INTS9: variants seen among roughly 807,000 people sequenced by gnomAD.
INTS9 encodes the protein integrator complex subunit 9, also known as protein related to CPSF subunits of 74 kDa.
INTS9 carries 55 observed loss-of-function variants against 79.7 expected under a neutral mutation model. That is an observed-to-expected ratio of 0.69 (90% CI 0.56 to 0.86). The LOEUF is 0.86. Among genes scored for constraint, INTS9 ranks in the 40% least tolerant of loss-of-function variants. The probability of loss-of-function intolerance (pLI) is 0.00; values close to 1 mark genes in which losing one functional copy is unlikely to be tolerated. For synonymous variants in INTS9, 319 were observed against 325.2 expected (o/e 0.98, Z 0.20); for missense variants, 721 against 831.5 (o/e 0.87, Z 1.64).
chr8:28,812,534 AAAC>A (rs1290887916), intron 7 of INTS9, 73 bp from the exon 8 acceptor site: 60 of 1,498,506 alleles, frequency 4.0e-5, no homozygotes, highest in Non-Finnish European at 5.1e-5. Context: ...CTGCAGGGAA[AAAC>A]AACAGAAATA....
intron 1 of INTS9, among the ~76,000 whole-genome samples, chr8:28,864,625 A>G (rs1197506383): frequency 2.0e-5 from 3 of 152,214 alleles, no homozygotes; most frequent in Non-Finnish European, 4.4e-5. Context: ...AGTGCATTAT[A>G]TTATTATACT....
intron 1 of INTS9, among the ~76,000 whole-genome samples, chr8:28,878,854 C>A (rs189174757): frequency 6.6e-6 from 1 of 151,878 alleles, no homozygotes; most frequent in Non-Finnish European, 1.5e-5. Flanking sequence ...GTGGCAGGTA[C>A]CTGTAGTACC....
In INTS9 at chr8:28,775,846, G is replaced by C. The variant is rs746047822; in HGVS notation, c.1476C>G (p.Cys492Trp). The C allele has an allele frequency of 6.2e-7, 1 of 1,613,508 alleles. No homozygotes were observed. The highest frequency in any genetic ancestry group is 1.1e-5 in the South Asian group (1 of 91,014). ...GCCGATAGGACATGGCGGGGGGCTG[G>C]CAGTCGATCATGAGGTCCATCCTGT... ...QSHRMDLMID[C>W]QPPAMSYRRA... The change falls in exon 14 of 17, where the codon TGC becomes TGG. Residue 492 changes from cysteine (C) to tryptophan (W), a missense_variant. By Grantham distance (215) the Cys-to-Trp change is radical. Transcript: ENST00000521022.
Position 28,768,030 on chromosome 8 carries a change from G to T in INTS9, c.*116C>A. The T allele has an allele frequency of 2.1e-6, 2 of 937,030 alleles. No individual in the cohort carries two copies. The highest frequency in any genetic ancestry group is 1.7e-6 in the Non-Finnish European group (1 of 591,196). 58.0% of individuals were successfully genotyped at this position (937,030 alleles called of 1,614,324 possible). ...CAAGAGCCACCTCTTCACTCCTTAA[G>T]CCAGAGGACACCACAAAGACACAGT... is the stretch of plus-strand genomic sequence containing the variant. On this transcript the variant is annotated 3_prime_UTR_variant, in exon 17 of 17. Coordinates refer to ENST00000521022, the MANE Select transcript of INTS9 (RefSeq NM_018250.4).
At chr8:28,837,872 T>C (rs1361008517) in intron 4 of INTS9, 96 bp from the exon 5 acceptor site, 14 of 1,215,662 alleles carry the variant, frequency 1.2e-5, no homozygotes, top group Non-Finnish European at 1.6e-5. Context: ...GAGAAGTAGT[T>C]TTTGTATTGC....
intron 8 of INTS9, among the ~76,000 whole-genome samples, chr8:28,798,988 C>G (rs1196361686): frequency 6.6e-6 from 1 of 152,168 alleles, no homozygotes; most frequent in Admixed American, 6.5e-5. Context: ...AAAAGACCTA[C>G]TGATCCAGAT....
chr8:28,855,642 A>T (rs1215358057), intron 2 of INTS9, among the ~76,000 whole-genome samples: 1 of 152,212 alleles, frequency 6.6e-6, no homozygotes, highest in Non-Finnish European at 1.5e-5. Flanking sequence ...AGCTAAATGC[A>T]ATGTGGATGG....
chr8:28,818,858 A>G (rs1805659022), intron 6 of INTS9, among the ~76,000 whole-genome samples: 1 of 151,406 alleles, frequency 6.6e-6, no homozygotes, highest in Non-Finnish European at 1.5e-5. Flanking sequence ...CAGAGATTCA[A>G]CTTCTTCCTG....
intron 1 of INTS9, among the ~76,000 whole-genome samples, chr8:28,874,684 G>A (rs923323908): frequency 6.6e-6 from 1 of 152,050 alleles, no homozygotes; most frequent in South Asian, 2.1e-4. Flanking sequence ...ACTAAGTCTT[G>A]TAGTAAAACC....
intron 6 of INTS9, among the ~76,000 whole-genome samples, chr8:28,826,045 A>G (rs35391726): frequency 0.2 from 30,151 of 152,134 alleles, 3,297 homozygotes; most frequent in East Asian, 0.46. Flanking sequence ...TAGCTGACAG[A>G]AGAAAGCATT....
intron 8 of INTS9, among the ~76,000 whole-genome samples, chr8:28,805,776 G>C (rs1198197302): frequency 6.6e-6 from 1 of 152,102 alleles, no homozygotes. Flanking sequence ...AAAATAAAAT[G>C]TGCATTTTCA....
Position 28,788,531 on chromosome 8 carries a change from G to A in INTS9, c.1038-642C>T, listed in dbSNP as rs1023080580. Among the ~76,000 whole-genome samples the A allele has an allele frequency of 6.1e-4, 93 of 152,176 alleles. 4 individuals carry two copies. Among genetic ancestry groups the A allele is most frequent in the Admixed American group, 5.2e-4 (8 of 15,288 alleles). On this transcript the variant is annotated intron_variant, in intron 10 of 16. Transcript: ENST00000521022. ...CCTCCTGGGTTCCAGTGGTTCTCCT[G>A]CCAAAGCCTCCCAAGTAGCTGGGAT...
intron 3 of INTS9, among the ~76,000 whole-genome samples, chr8:28,848,084 C>T (rs922556040): frequency 1.1e-4 from 16 of 152,172 alleles, no homozygotes; most frequent in African/African-American, 3.6e-4. Flanking sequence ...CTCCTGAAGG[C>T]CACTAATGCT....
chr8:28,848,425 C>A (rs1269235467), intron 3 of INTS9, among the ~76,000 whole-genome samples: 1 of 152,114 alleles, frequency 6.6e-6, no homozygotes, highest in African/African-American at 2.4e-5. Context: ...ATATCAGAAC[C>A]TTGATAGACA....
intron 8 of INTS9, among the ~76,000 whole-genome samples, chr8:28,799,634 A>T (rs951129791): frequency 5.9e-5 from 9 of 152,244 alleles, no homozygotes; most frequent in Admixed American, 1.3e-4. Context: ...GGGCAAATGT[A>T]TAGATTACTG....
chr8:28,775,619 TGGG>T (rs1802818933), intron 14 of INTS9, 137 bp downstream of exon 14: 16 of 930,250 alleles, frequency 1.7e-5, no homozygotes, highest in Non-Finnish European at 2.1e-5. Context: ...CCCAAAGTGC[TGGG>T]ATTATAGGCG....
intron 5 of INTS9, among the ~76,000 whole-genome samples, chr8:28,836,970 T>C (rs1419496671): frequency 1.3e-5 from 2 of 152,214 alleles, no homozygotes; most frequent in Non-Finnish European, 2.9e-5. Context: ...AAAAATAAAT[T>C]GACAAATTTT....
chr8:28,858,240 T>A (rs2131287803), intron 2 of INTS9, among the ~76,000 whole-genome samples: 1 of 152,316 alleles, frequency 6.6e-6, no homozygotes, highest in South Asian at 2.1e-4. Context: ...TGTTTTCTAG[T>A]CACAAGTGTA....
intron 14 of INTS9, 62 bp from the exon 15 acceptor site, chr8:28,771,142 A>G (rs1245895710): frequency 8.6e-7 from 1 of 1,161,158 alleles, no homozygotes; most frequent in Admixed American, 2.0e-5. Context: ...CTCTTCCTTT[A>G]ATCTGTATTT....
Sources: gnomAD v4.1 joint callset for allele counts (sites outside exome capture counted in the v4.1 genomes callset) on GRCh38, gnomAD v4.1.1 for gene constraint, MANE v1.5 for transcripts, NCBI Gene and HGNC (gene_info 2026-07-23, HGNC 2026-07-21) for gene names.